ZCCHC24: variants seen among roughly 807,000 people sequenced by gnomAD.
The protein encoded by ZCCHC24 is zinc finger CCHC domain-containing protein 24.
ZCCHC24 carries 10 observed loss-of-function variants against 26.2 expected under a neutral mutation model. The observed-to-expected ratio is 0.38, with a 90% CI of 0.24 to 0.65. ZCCHC24 has a LOEUF of 0.65. ZCCHC24 is among the 30% of genes least tolerant of loss of function. The pLI is 0.54. For synonymous variants in ZCCHC24, 144 were observed against 147.1 expected, an observed-to-expected ratio of 0.98 and a Z score of 0.15; for missense variants, 243 against 329.1, an observed-to-expected ratio of 0.74 and a Z score of 2.03.
rs762492149 is a variant in ZCCHC24, at chr10:79,394,269, G to A, written c.612+7C>T. On this transcript the variant is annotated splice_region_variant and intron_variant, in intron 3 of 3. Coordinates refer to ENST00000372336, the MANE Select transcript of ZCCHC24 (RefSeq NM_153367.4). ...CTTCTGAGAAGGCCCCAGCCTGCCC[G>A]GCTCACCTGCTTGTGTGGATACACG... 3.0e-5 allele frequency: 48 copies of A among 1,612,190 alleles called. No homozygotes were observed. The highest frequency in any genetic ancestry group is 6.7e-5 in the Admixed American group (4 of 59,930).
intron 2 of ZCCHC24, among the ~76,000 whole-genome samples, chr10:79,419,235 G>A (rs1024733601): frequency 6.6e-6 from 1 of 152,142 alleles, no homozygotes; most frequent in Non-Finnish European, 1.5e-5. Flanking sequence ...GAAGCCCCAC[G>A]GCCTAACAAG....
At chr10:79,401,714 GC>G in intron 2 of ZCCHC24, among the ~76,000 whole-genome samples, 1 of 152,346 alleles carries the variant, frequency 6.6e-6, no homozygotes, top group South Asian at 2.1e-4. Flanking sequence ...CTCCCAGGAG[GC>G]CCATAACTCA....
intron 1 of ZCCHC24, among the ~76,000 whole-genome samples, chr10:79,443,258 G>C (rs1165193891): frequency 6.6e-6 from 1 of 152,176 alleles, no homozygotes; most frequent in Admixed American, 6.5e-5. Context: ...TTCTCACTGA[G>C]CTCCGGTTGG....
chr10:79,434,961 C>T (rs1857195171), intron 1 of ZCCHC24, among the ~76,000 whole-genome samples: 1 of 152,112 alleles, frequency 6.6e-6, no homozygotes, highest in Non-Finnish European at 1.5e-5. Context: ...CCAGCCCAGC[C>T]CCACCCAGCC....
At chr10:79,426,723 G>C (rs1377643531) in intron 2 of ZCCHC24, among the ~76,000 whole-genome samples, 3 of 152,124 alleles carry the variant, frequency 2.0e-5, no homozygotes, top group Admixed American at 2.0e-4. Context: ...ATGTTAGTTA[G>C]AAAATCAATG....
chr10:79,391,548 C>T (rs1856478671), intron 3 of ZCCHC24, among the ~76,000 whole-genome samples: 1 of 151,932 alleles, frequency 6.6e-6, no homozygotes, highest in African/African-American at 2.4e-5. Flanking sequence ...GACCCAGCCC[C>T]CAGGACTGTC....
intron 2 of ZCCHC24, among the ~76,000 whole-genome samples, chr10:79,414,412 A>C (rs1471697854): frequency 2.2e-4 from 33 of 152,178 alleles, no homozygotes; most frequent in Admixed American, 2.2e-3. Context: ...TGATTATAGA[A>C]TCTCACACTC....
intron 3 of ZCCHC24, among the ~76,000 whole-genome samples, chr10:79,394,021 G>T (rs990417892): frequency 6.6e-6 from 1 of 152,162 alleles, no homozygotes; most frequent in East Asian, 1.9e-4. Flanking sequence ...CCTGCTGTCC[G>T]CACATCTCTG....
chr10:79,442,819 A>G (rs1857307854), intron 1 of ZCCHC24, among the ~76,000 whole-genome samples: 1 of 152,178 alleles, frequency 6.6e-6, no homozygotes, highest in African/African-American at 2.4e-5. Flanking sequence ...CCCTGGGCGC[A>G]GGAAAGGCCT....
At position 79,420,697 on chromosome 10, in the gene ZCCHC24, C is replaced by T. The variant is rs553151533; in HGVS notation, c.447+11861G>A. Among the ~76,000 whole-genome samples the T allele has an allele frequency of 6.4e-4, 98 of 152,160 alleles. 1 individual carries two copies. Among genetic ancestry groups the T allele is most frequent in the Middle Eastern group, 6.8e-3 (2 of 294 alleles). On this transcript the variant is annotated intron_variant, in intron 2 of 3. Coordinates refer to ENST00000372336, the MANE Select transcript of ZCCHC24 (RefSeq NM_153367.4). ...AGGAGGCAGGAGAATCGCTTGAACTCGGGAAGCGGAGGCTGCAGTGAGCTG... is the reference window on the plus strand; with the variant it reads ...AGGAGGCAGGAGAATCGCTTGAACTTGGGAAGCGGAGGCTGCAGTGAGCTG...
chr10:79,417,654 A>G (rs185799176), intron 2 of ZCCHC24, among the ~76,000 whole-genome samples: 1 of 152,280 alleles, frequency 6.6e-6, no homozygotes, highest in Non-Finnish European at 1.5e-5. Context: ...AAGAAAGAGA[A>G]GAAGAGTGGG....
intron 2 of ZCCHC24, among the ~76,000 whole-genome samples, chr10:79,423,581 C>CTATATATATATTTCATA: frequency 1.9e-5 from 1 of 53,746 alleles, no homozygotes; most frequent in East Asian, 1.3e-3. Context: ...AATATATATA[C>CTATATATATATTTCATA]TATATATATA....
Position 79,428,410 on chromosome 10 carries a change from A to AAAT in ZCCHC24, c.447+4145_447+4147dup, listed in dbSNP as rs972960480. ...GTACAGTATTTCAGTTTTGCAAGAT[A>AAAT]AATTTCAGTTTTGCAAGATAAATTT... On this transcript the variant is annotated intron_variant, in intron 2 of 3. Transcript: ENST00000372336. Among the ~76,000 whole-genome samples the AAAT allele has an allele frequency of 1.2e-4, 4 of 32,472 alleles. 1 individual carries two copies. Among genetic ancestry groups the AAAT allele is most frequent in the Admixed American group, 9.4e-4 (4 of 4,242 alleles). 21.3% of individuals were successfully genotyped at this position (32,472 alleles called of 152,430 possible).
intron 2 of ZCCHC24, among the ~76,000 whole-genome samples, chr10:79,408,597 C>T (rs570883380): frequency 4.6e-5 from 7 of 152,150 alleles, no homozygotes; most frequent in Admixed American, 6.5e-5. Flanking sequence ...CAGCCAGGCG[C>T]GGAAGAAAAG....
At chr10:79,432,510 G>T in intron 2 of ZCCHC24, 48 bp downstream of exon 2, 1 of 1,572,774 alleles carries the variant, frequency 6.4e-7, no homozygotes, top group South Asian at 1.2e-5. Flanking sequence ...CCTGTCCGCA[G>T]GTCAGTAGGG....
At chr10:79,391,149 A>C (rs907174184) in intron 3 of ZCCHC24, among the ~76,000 whole-genome samples, 1 of 152,142 alleles carries the variant, frequency 6.6e-6, no homozygotes, top group Non-Finnish European at 1.5e-5. Context: ...TGCACACAGT[A>C]GGTGCTCAAC....
chr10:79,423,969 G>A (rs1322435844), intron 2 of ZCCHC24, among the ~76,000 whole-genome samples: 1 of 146,892 alleles, frequency 6.8e-6, no homozygotes. Context: ...AGTGAGCTGA[G>A]ATCGCGCCAC....
chr10:79,383,579 TC>T lies in ZCCHC24; in HGVS notation c.*2765del, dbSNP rs1856351230. 6.6e-6 allele frequency: 1 copy of T among 152,338 alleles called. No individual in the cohort carries two copies. The highest frequency in any genetic ancestry group is 6.5e-5 in the Admixed American group (1 of 15,272). The allele number at this position is 152,338 out of a possible 1,614,324, so 9.4% of individuals were successfully genotyped here. On this transcript the variant is annotated 3_prime_UTR_variant, in exon 4 of 4. Transcript: ENST00000372336. ...AAAGTTCTGAAATTTTGAAAATGCC[TC>T]TCTTTTTGTTTGTTTTAATCTCAAA...
intron 3 of ZCCHC24, among the ~76,000 whole-genome samples, chr10:79,388,706 A>AC (rs1238883760): frequency 3.6e-4 from 55 of 151,820 alleles, no homozygotes; most frequent in Non-Finnish European, 8.8e-5. Flanking sequence ...GCCCCACACA[A>AC]CCCTCACTCC....
Sources: gnomAD v4.1 joint callset for allele counts (sites outside exome capture counted in the v4.1 genomes callset) on GRCh38, gnomAD v4.1.1 for gene constraint, MANE v1.5 for transcripts, NCBI Gene and HGNC (gene_info 2026-07-23, HGNC 2026-07-21) for gene names.